Variants in ABTB3 observed in about 807,000 individuals in gnomAD.
The protein encoded by ABTB3 is ankyrin repeat and BTB domain containing 3.
At chr12:107,509,423 AAATATTTGT>A in the ABTB3 span, among the ~76,000 whole-genome samples, 25,968 of 152,242 alleles carry the variant, frequency 0.17, 2,723 homozygotes, top group East Asian at 0.29. Flanking sequence ...AAGAACATAA[AAATATTTGT>A]GAATCATTTA....
chr12:107,554,175 G>A, the ABTB3 span, among the ~76,000 whole-genome samples: 1 of 152,192 alleles, frequency 6.6e-6, no homozygotes, highest in Non-Finnish European at 1.5e-5. Flanking sequence ...ACCTGCAGAT[G>A]AGAACATTAA....
the ABTB3 span, among the ~76,000 whole-genome samples, chr12:107,461,499 T>C: frequency 6.6e-6 from 1 of 152,150 alleles, no homozygotes; most frequent in Non-Finnish European, 1.5e-5. Context: ...CCTCAGAGCC[T>C]CTGGAAGGAA....
At chr12:107,398,908 T>A in the ABTB3 span, among the ~76,000 whole-genome samples, 1 of 151,980 alleles carries the variant, frequency 6.6e-6, no homozygotes, top group Non-Finnish European at 1.5e-5. Context: ...AGACCCAGGG[T>A]TGAGTTCTGT....
chr12:107,501,397 AAC>A, the ABTB3 span, among the ~76,000 whole-genome samples: 5 of 65,060 alleles, frequency 7.7e-5, no homozygotes, highest in Non-Finnish European at 1.4e-4. Context: ...AAAAAAAAAA[AAC>A]AAGAAAACAA....
the ABTB3 span, among the ~76,000 whole-genome samples, chr12:107,387,639 T>C: frequency 6.6e-6 from 1 of 152,218 alleles, no homozygotes; most frequent in Non-Finnish European, 1.5e-5. Flanking sequence ...CATTCATTTG[T>C]TGAACAGTAT....
the ABTB3 span, among the ~76,000 whole-genome samples, chr12:107,454,466 T>A: frequency 6.6e-6 from 1 of 152,172 alleles, no homozygotes; most frequent in Non-Finnish European, 1.5e-5. Context: ...ATCTCTGAGA[T>A]AGAGGCTGAT....
chr12:107,573,403 C>T, the ABTB3 span, among the ~76,000 whole-genome samples: 402 of 151,774 alleles, frequency 2.6e-3, 4 homozygotes, highest in African/African-American at 8.8e-3. Context: ...GGAGATTGGA[C>T]GGATGGATGG....
chr12:107,626,918 C>T, the ABTB3 span, among the ~76,000 whole-genome samples: 2 of 152,116 alleles, frequency 1.3e-5, no homozygotes, highest in African/African-American at 4.8e-5. Flanking sequence ...GAGGCCAAGG[C>T]AGGTGGATCA....
the ABTB3 span, among the ~76,000 whole-genome samples, chr12:107,357,692 G>T: frequency 6.6e-6 from 1 of 152,110 alleles, no homozygotes; most frequent in African/African-American, 2.4e-5. Flanking sequence ...TATTTTACTG[G>T]GGCTAAAATA....
At chr12:107,431,276 T>G in the ABTB3 span, among the ~76,000 whole-genome samples, 1 of 152,324 alleles carries the variant, frequency 6.6e-6, no homozygotes, top group African/African-American at 2.4e-5. Flanking sequence ...CCTAGCCACC[T>G]CTGCACTCCC....
the ABTB3 span, among the ~76,000 whole-genome samples, chr12:107,406,545 C>A: frequency 2.6e-5 from 4 of 152,160 alleles, no homozygotes; most frequent in South Asian, 6.2e-4. Context: ...ACCATGCATG[C>A]TCCTCAAGTG....
chr12:107,596,757 C>T, the ABTB3 span, among the ~76,000 whole-genome samples: 1 of 152,182 alleles, frequency 6.6e-6, no homozygotes, highest in Non-Finnish European at 1.5e-5. Context: ...TCCTTCCCTC[C>T]CTACTCTCCT....
the ABTB3 span, among the ~76,000 whole-genome samples, chr12:107,373,870 G>T: frequency 6.6e-6 from 1 of 152,036 alleles, no homozygotes; most frequent in Admixed American, 6.5e-5. Context: ...AAATACTTGT[G>T]GGGGAACTGA....
At chr12:107,630,054 C>T in the ABTB3 span, among the ~76,000 whole-genome samples, 3 of 152,144 alleles carry the variant, frequency 2.0e-5, no homozygotes, top group Admixed American at 6.5e-5. Context: ...GGAGGAGGAG[C>T]ACTGGGAAGG....
the ABTB3 span, among the ~76,000 whole-genome samples, chr12:107,321,886 T>C: frequency 6.6e-6 from 1 of 152,170 alleles, no homozygotes; most frequent in Admixed American, 6.5e-5. Context: ...CTGGAACCTC[T>C]TCTTTTTTCT....
chr12:107,612,716 A>G, the ABTB3 span: 1 of 1,416,988 alleles, frequency 7.1e-7, no homozygotes, highest in Non-Finnish European at 9.7e-7. Context: ...TCCATTTGTT[A>G]TTGTCGATTG....
At chr12:107,364,964 C>G in the ABTB3 span, among the ~76,000 whole-genome samples, 8 of 152,256 alleles carry the variant, frequency 5.3e-5, no homozygotes, top group Non-Finnish European at 1.0e-4. Flanking sequence ...AGGTGTTGCT[C>G]TCTGTCACAG....
At chr12:107,457,109 G>A in the ABTB3 span, among the ~76,000 whole-genome samples, 12,742 of 152,196 alleles carry the variant, frequency 0.084, 594 homozygotes, top group South Asian at 0.14. Flanking sequence ...TGATCCCCCC[G>A]CCTTGGCCTA....
chr12:107,464,572 A>G, the ABTB3 span, among the ~76,000 whole-genome samples: 1 of 152,048 alleles, frequency 6.6e-6, no homozygotes, highest in African/African-American at 2.4e-5. Context: ...TGGCCTCCCA[A>G]AGTGTTTCCA....
Sources: gnomAD v4.1 joint callset for allele counts (sites outside exome capture counted in the v4.1 genomes callset) on GRCh38, gnomAD v4.1.1 for gene constraint, MANE v1.5 for transcripts, NCBI Gene and HGNC (gene_info 2026-07-23, HGNC 2026-07-21) for gene names.